Variants in WAC observed in about 807,000 individuals in gnomAD.
WAC encodes WW domain containing adaptor with coiled-coil.
Under a neutral mutation model 79.6 loss-of-function variants are expected in WAC, and 11 were observed. The ratio of observed to expected loss-of-function variants is 0.14; its 90% confidence interval spans 0.09 to 0.23. WAC has a LOEUF of 0.23. Ranked by LOEUF, WAC falls within the 10% of genes least tolerant of loss-of-function variation. The pLI is 1.00. For missense variants in WAC, 728 were observed against 773.5 expected (o/e 0.94, Z 0.70); for synonymous variants, 304 against 276.9 (o/e 1.10, Z -0.97).
intron 4 of WAC, among the ~76,000 whole-genome samples, chr10:28,586,758 G>T (rs1433437165): frequency 6.6e-6 from 1 of 152,044 alleles, no homozygotes; most frequent in Non-Finnish European, 1.5e-5. Flanking sequence ...GATTAGTTGT[G>T]CATATTTGAT....
intron 3 of WAC, among the ~76,000 whole-genome samples, chr10:28,536,587 G>A (rs1038852570): frequency 6.6e-6 from 1 of 152,194 alleles, no homozygotes. Context: ...CAGTTTTGGT[G>A]ATGTGATTTT....
At chr10:28,559,577 C>A (rs1838196375) in intron 3 of WAC, among the ~76,000 whole-genome samples, 1 of 152,070 alleles carries the variant, frequency 6.6e-6, no homozygotes, top group Admixed American at 6.6e-5. Context: ...TTGTGACAAG[C>A]AAGTTTGTAA....
At chr10:28,611,553 C>A in intron 9 of WAC, 1 of 1,341,054 alleles carries the variant, frequency 7.5e-7, no homozygotes, top group Non-Finnish European at 9.8e-7. Context: ...GGAGAGTGGG[C>A]CACACTGGGT....
chr10:28,608,524 T>C, intron 8 of WAC, 93 bp downstream of exon 8: 1 of 1,328,742 alleles, frequency 7.5e-7, no homozygotes, highest in East Asian at 2.5e-5. Context: ...GTCTTTGTTT[T>C]CTTTTGAAAT....
intron 7 of WAC, among the ~76,000 whole-genome samples, chr10:28,597,635 CTT>C (rs1301321325): frequency 3.9e-5 from 6 of 152,052 alleles, no homozygotes; most frequent in African/African-American, 1.2e-4. Context: ...ACTACCAAGT[CTT>C]TAGTTCTAGT....
chr10:28,612,668 G>A (rs910190852), intron 10 of WAC, among the ~76,000 whole-genome samples: 1 of 149,744 alleles, frequency 6.7e-6, no homozygotes, highest in African/African-American at 2.4e-5. Context: ...ACTTGAAAGA[G>A]GTGGTTGGTC....
chr10:28,592,270 A>G (rs1004644434), intron 6 of WAC, among the ~76,000 whole-genome samples: 2 of 152,194 alleles, frequency 1.3e-5, no homozygotes, highest in Non-Finnish European at 2.9e-5. Flanking sequence ...AGACATAAAC[A>G]AGTTGCACCC....
chr10:28,544,948 C>A (rs997081399), intron 3 of WAC, among the ~76,000 whole-genome samples: 2 of 151,150 alleles, frequency 1.3e-5, no homozygotes, highest in Non-Finnish European at 2.9e-5. Flanking sequence ...ACCTGTAATC[C>A]CAGCTACTCG....
intron 3 of WAC, among the ~76,000 whole-genome samples, chr10:28,565,948 G>A (rs760425811): frequency 2.6e-5 from 4 of 152,118 alleles, no homozygotes. Context: ...ATTAGAGTGT[G>A]CAGAAAGCAG....
intron 3 of WAC, among the ~76,000 whole-genome samples, chr10:28,544,662 C>T (rs1418657098): frequency 6.6e-6 from 1 of 152,098 alleles, no homozygotes; most frequent in Non-Finnish European, 1.5e-5. Flanking sequence ...GACAGTTTGC[C>T]AAATGAGAGT....
At chr10:28,535,827 G>T in intron 3 of WAC, 70 bp downstream of exon 3, 1 of 1,313,418 alleles carries the variant, frequency 7.6e-7, no homozygotes, top group Non-Finnish European at 1.0e-6. Context: ...GGCGGCAGTA[G>T]TATTTCTAGC....
In WAC at chr10:28,568,662, T is replaced by C. The variant is rs1385802045; in HGVS notation, c.275-14737T>C. 2.6e-5 allele frequency among the ~76,000 whole-genome samples: 4 copies of C among 152,144 alleles called. No homozygotes were observed. In the East Asian group the frequency reaches 7.7e-4, roughly 29 times the overall value. The stretch of plus-strand genomic sequence containing the variant: ...GCACCCATTAACTTGTCATTTACAT[T>C]AGGTATATCTCCTAATGCTATCCCT... On this transcript the variant is annotated intron_variant, in intron 3 of 13. Coordinates refer to ENST00000354911, the MANE Select transcript of WAC (RefSeq NM_016628.5).
intron 3 of WAC, among the ~76,000 whole-genome samples, chr10:28,554,267 G>C (rs1837861779): frequency 6.6e-6 from 1 of 152,174 alleles, no homozygotes; most frequent in South Asian, 2.1e-4. Flanking sequence ...TTTGGTATCA[G>C]CTGGAGCATC....
intron 3 of WAC, among the ~76,000 whole-genome samples, chr10:28,538,984 C>T (rs1192149874): frequency 6.6e-6 from 1 of 151,844 alleles, no homozygotes; most frequent in Admixed American, 6.6e-5. Context: ...CTTAAGATTA[C>T]AGCAGGTTAC....
At chr10:28,559,682 A>G (rs1330327646) in intron 3 of WAC, among the ~76,000 whole-genome samples, 1 of 152,196 alleles carries the variant, frequency 6.6e-6, no homozygotes. Context: ...ATCGTTAATG[A>G]TAAGGGATAA....
At chr10:28,574,344 C>T (rs1839134232) in intron 3 of WAC, among the ~76,000 whole-genome samples, 1 of 152,058 alleles carries the variant, frequency 6.6e-6, no homozygotes, top group African/African-American at 2.4e-5. Context: ...GGCGGGGTTT[C>T]CCCATGTTGG....
intron 3 of WAC, among the ~76,000 whole-genome samples, chr10:28,548,942 T>C (rs1837514356): frequency 6.6e-6 from 1 of 152,120 alleles, no homozygotes; most frequent in Admixed American, 6.6e-5. Flanking sequence ...CCAGGCTGAA[T>C]GGAGTGCACT....
intron 1 of WAC, 56 bp downstream of exon 1, chr10:28,533,676 C>A: frequency 6.7e-7 from 1 of 1,500,848 alleles, no homozygotes; most frequent in Non-Finnish European, 9.0e-7. Flanking sequence ...GGCGGGGGGG[C>A]TGTTCCTCCT....
intron 6 of WAC, among the ~76,000 whole-genome samples, chr10:28,595,353 G>A (rs1020297794): frequency 6.6e-6 from 1 of 151,972 alleles, no homozygotes; most frequent in African/African-American, 2.4e-5. Context: ...AAAGAACGAA[G>A]CATTTACTTT....
Sources: gnomAD v4.1 joint callset for allele counts (sites outside exome capture counted in the v4.1 genomes callset) on GRCh38, gnomAD v4.1.1 for gene constraint, MANE v1.5 for transcripts, NCBI Gene and HGNC (gene_info 2026-07-23, HGNC 2026-07-21) for gene names.